PTPRQ: variants seen among roughly 807,000 people sequenced by gnomAD.
PTPRQ encodes the protein protein tyrosine phosphatase receptor type Q.
In PTPRQ, 199 loss-of-function variants were observed where a neutral mutation model predicts 246.0. The ratio of observed to expected loss-of-function variants is 0.81; its 90% CI spans 0.72 to 0.91. The LOEUF (loss-of-function observed/expected upper bound fraction) is 0.91, where lower values mean the gene tolerates loss of function less well. PTPRQ is among the 40% of genes least tolerant of loss of function. The pLI is 0.00. For synonymous variants in PTPRQ, 869 were observed against 853.2 expected (o/e 1.02, Z -0.32); for missense variants, 2,624 against 2,528.4 (o/e 1.04, Z -0.81).
intron 17 of PTPRQ, among the ~76,000 whole-genome samples, chr12:80,521,496 G>A (rs1021271309): frequency 1.3e-5 from 2 of 152,274 alleles, no homozygotes; most frequent in South Asian, 4.1e-4. Context: ...ATGGTTTTAG[G>A]TCTGACATTT....
At chr12:80,503,032 G>A (rs1274285902) in intron 14 of PTPRQ, among the ~76,000 whole-genome samples, 6 of 151,736 alleles carry the variant, frequency 4.0e-5, no homozygotes, top group African/African-American at 2.4e-5. Context: ...GGGGTAGCAC[G>A]TGATGGTATC....
At position 80,495,263 on chromosome 12, in the gene PTPRQ, C is replaced by T; in HGVS notation, c.1774C>T (p.Pro592Ser). 5.2e-6 allele frequency: 8 copies of T among 1,545,694 alleles called. No individual in the cohort carries two copies. Among genetic ancestry groups the T allele is most frequent in the Non-Finnish European group, 7.0e-6 (8 of 1,145,164 alleles). Reference protein sequence around the residue: ...SSSILLYWDPPEYPNGKITHY... With the variant: ...SSSILLYWDPSEYPNGKITHY... ...ATCTATTTTGTTATATTGGGATCCT[C>T]CAGAATATCCCAATGGAAAAATAAC... Residue 592 changes from proline to serine, a missense_variant, in exon 12 of 45, where the codon CCA becomes TCA. By Grantham distance (74) the Pro-to-Ser change is moderately conservative. Transcript: ENST00000644991.
intron 39 of PTPRQ, among the ~76,000 whole-genome samples, chr12:80,664,134 T>A (rs1900715133): frequency 6.6e-6 from 1 of 152,078 alleles, no homozygotes; most frequent in South Asian, 2.1e-4. Flanking sequence ...AAATTCATGA[T>A]CACGCCAAAA....
intron 25 of PTPRQ, 34 bp from the exon 26 acceptor site, chr12:80,588,095 G>A (rs1318207919): frequency 6.7e-7 from 1 of 1,483,508 alleles, no homozygotes; most frequent in Non-Finnish European, 9.0e-7. Context: ...TTTGGTAATT[G>A]TAACTGCTTT....
At chr12:80,622,849 T>C (rs182931117) in intron 33 of PTPRQ, among the ~76,000 whole-genome samples, 1,654 of 152,004 alleles carry the variant, frequency 0.011, 18 homozygotes, top group Non-Finnish European at 0.018. Flanking sequence ...ACAACATATA[T>C]AAATATATTA....
intron 12 of PTPRQ, 92 bp downstream of exon 12, chr12:80,495,463 T>G: frequency 7.2e-7 from 1 of 1,398,220 alleles, no homozygotes; most frequent in African/African-American, 1.5e-5. Flanking sequence ...CCTTATATAC[T>G]ACAGAACACA....
At chr12:80,501,524 T>C (rs1234199133) in intron 14 of PTPRQ, among the ~76,000 whole-genome samples, 3 of 151,894 alleles carry the variant, frequency 2.0e-5, no homozygotes, top group African/African-American at 7.3e-5. Flanking sequence ...AGGGAAAAGA[T>C]ACAGAGCTGA....
chr12:80,548,814 T>G (rs971606785), intron 24 of PTPRQ, among the ~76,000 whole-genome samples: 2 of 152,062 alleles, frequency 1.3e-5, no homozygotes, highest in Non-Finnish European at 2.9e-5. Flanking sequence ...GGCTAGGATA[T>G]TGTTCTTTGA....
chr12:80,475,632 T>C (rs886789060), intron 8 of PTPRQ, among the ~76,000 whole-genome samples: 5 of 152,172 alleles, frequency 3.3e-5, no homozygotes, highest in Middle Eastern at 3.4e-3. Flanking sequence ...GTTGACTCCA[T>C]TTCCTTTATC....
intron 17 of PTPRQ, among the ~76,000 whole-genome samples, chr12:80,514,403 C>CACACACACACACACTCTCTCTA (rs367815594): frequency 1.8e-4 from 1 of 5,436 alleles, no homozygotes; most frequent in South Asian, 5.6e-3. Flanking sequence ...CACACACACA[C>CACACACACACACACTCTCTCTA]TCTCTCTCTC....
At chr12:80,548,030 T>G (rs981571498) in intron 24 of PTPRQ, among the ~76,000 whole-genome samples, 1 of 152,226 alleles carries the variant, frequency 6.6e-6, no homozygotes, top group East Asian at 1.9e-4. Context: ...GAATGAGTGA[T>G]AGAATATAAA....
chr12:80,657,388 G>A (rs1265853647), intron 38 of PTPRQ, among the ~76,000 whole-genome samples: 1 of 151,740 alleles, frequency 6.6e-6, no homozygotes, highest in Non-Finnish European at 1.5e-5. Flanking sequence ...AAACACTTTG[G>A]TTCAGAGTAT....
intron 19 of PTPRQ, among the ~76,000 whole-genome samples, chr12:80,536,085 C>A (rs779620925): frequency 1.5e-4 from 23 of 152,040 alleles, no homozygotes; most frequent in African/African-American, 5.6e-4. Context: ...CCAGCCTGGG[C>A]GAGAGAGCGA....
intron 17 of PTPRQ, among the ~76,000 whole-genome samples, chr12:80,516,260 A>G (rs1388190197): frequency 6.6e-6 from 1 of 152,172 alleles, no homozygotes; most frequent in Non-Finnish European, 1.5e-5. Flanking sequence ...GTAAAATTTA[A>G]CAGTAGTTTT....
At chr12:80,480,311 T>G (rs945988129) in intron 8 of PTPRQ, among the ~76,000 whole-genome samples, 10 of 152,268 alleles carry the variant, frequency 6.6e-5, no homozygotes, top group Admixed American at 6.5e-5. Flanking sequence ...AATAAAGATG[T>G]TCTTTGAAAC....
At chr12:80,575,591 C>A (rs1244960708) in intron 25 of PTPRQ, among the ~76,000 whole-genome samples, 2 of 150,236 alleles carry the variant, frequency 1.3e-5, no homozygotes, top group Non-Finnish European at 3.0e-5. Flanking sequence ...CCTGTAATCC[C>A]AGCACTTTGG....
chr12:80,458,345 A>G (rs1456322657), intron 4 of PTPRQ, among the ~76,000 whole-genome samples: 8 of 152,094 alleles, frequency 5.3e-5, no homozygotes, highest in Admixed American at 5.2e-4. Context: ...TATTTTTATT[A>G]GAATGCAGCT....
rs1449371930 is a variant in PTPRQ at position 80,649,682 on chromosome 12, C to T, written c.6024+13C>T. On this transcript the variant is annotated intron_variant, in intron 37 of 44. Coordinates refer to ENST00000644991, the MANE Select transcript of PTPRQ (RefSeq NM_001145026.2). ...AGAAGAATTTTCGGTATGTTACTAG[C>T]AGTTGTCACAACATTGCAAGACCTC... is the stretch of plus-strand genomic sequence containing the variant. The T allele has an allele frequency of 1.9e-5, 29 of 1,543,566 alleles. No homozygotes were observed. The highest frequency in any genetic ancestry group is 2.4e-5 in the Non-Finnish European group (28 of 1,142,974).
intron 35 of PTPRQ, among the ~76,000 whole-genome samples, chr12:80,636,635 C>T (rs926052854): frequency 6.6e-6 from 1 of 152,124 alleles, no homozygotes; most frequent in East Asian, 1.9e-4. Context: ...GCTATTTGAA[C>T]AATATAGTTG....
Sources: gnomAD v4.1 joint callset for allele counts (sites outside exome capture counted in the v4.1 genomes callset) on GRCh38, gnomAD v4.1.1 for gene constraint, MANE v1.5 for transcripts, NCBI Gene and HGNC (gene_info 2026-07-23, HGNC 2026-07-21) for gene names.